Variants in C11orf65 observed in about 807,000 individuals in gnomAD.
The protein encoded by C11orf65 is chromosome 11 open reading frame 65.
In C11orf65, 38 loss-of-function variants were observed where a neutral mutation model predicts 35.3. That is an observed-to-expected ratio of 1.08 (90% CI 0.83 to 1.41). C11orf65 has a LOEUF of 1.41. C11orf65 is among the 40% of genes most tolerant of loss of function. The pLI is 0.00. For missense variants in C11orf65, 370 were observed against 367.1 expected (o/e 1.01, Z -0.06); for synonymous variants, 105 against 114.4 (o/e 0.92, Z 0.53).
At chr11:108,436,832 G>A (rs1196675202) in intron 2 of C11orf65, among the ~76,000 whole-genome samples, 2 of 152,030 alleles carry the variant, frequency 1.3e-5, no homozygotes, top group South Asian at 2.1e-4. Context: ...AGTGCTGAGG[G>A]GGGAAAAATC....
intron 2 of C11orf65, among the ~76,000 whole-genome samples, chr11:108,360,386 A>G (rs2090581926): frequency 6.7e-6 from 1 of 149,948 alleles, no homozygotes; most frequent in South Asian, 2.2e-4. Context: ...AACTGGTACC[A>G]TTCCTTCTGA....
chr11:108,424,990 G>A (rs967037619), intron 3 of C11orf65, among the ~76,000 whole-genome samples: 1 of 152,176 alleles, frequency 6.6e-6, no homozygotes, highest in Non-Finnish European at 1.5e-5. Context: ...AGACTTCCCA[G>A]GAAACAGCTA....
rs148570481 is a variant in C11orf65 at position 108,316,246 on chromosome 11, T to G, written c.641-7175A>C. 23 of 938,624 alleles carry G rather than the reference T, an allele frequency of 2.5e-5. No individual in the cohort carries two copies. In the African/African-American group the frequency reaches 3.8e-4, roughly 15 times the overall value. The allele number at this position is 938,624 out of a possible 1,614,324, so 58.1% of individuals were successfully genotyped here. On this transcript the variant is annotated intron_variant, in intron 6 of 6. Transcript: ENST00000525729. ...AGAACTTATCTGTTTTTCAGAGGAT[T>G]AGGCTAAACATTCAGGGATACTCCT...
At chr11:108,338,080 G>A (rs921558164) in intron 2 of C11orf65, among the ~76,000 whole-genome samples, 4 of 152,252 alleles carry the variant, frequency 2.6e-5, no homozygotes, top group Non-Finnish European at 4.4e-5. Context: ...CGGGCATGGT[G>A]GCCCACGCCT....
chr11:108,448,065 C>G (rs964146280), intron 2 of C11orf65, among the ~76,000 whole-genome samples: 2 of 151,992 alleles, frequency 1.3e-5, no homozygotes, highest in Non-Finnish European at 2.9e-5. Context: ...ACACATACAC[C>G]CTCCCAAGAC....
intron 1 of C11orf65, among the ~76,000 whole-genome samples, chr11:108,463,729 C>T (rs1244709610): frequency 6.6e-6 from 1 of 152,122 alleles, no homozygotes; most frequent in Non-Finnish European, 1.5e-5. Flanking sequence ...AGTATAGTTT[C>T]TGACCCACCA....
At chr11:108,449,577 A>T (rs1458548637) in intron 2 of C11orf65, among the ~76,000 whole-genome samples, 2 of 152,064 alleles carry the variant, frequency 1.3e-5, no homozygotes, top group East Asian at 3.8e-4. Context: ...AAAACTGGCT[A>T]GCCATAGGTA....
At chr11:108,446,141 C>G (rs1258879228) in intron 2 of C11orf65, among the ~76,000 whole-genome samples, 6 of 152,026 alleles carry the variant, frequency 3.9e-5, no homozygotes, top group Non-Finnish European at 5.9e-5. Context: ...GTGAAAAGAC[C>G]AAATCTACGT....
chr11:108,422,408 G>C (rs2092832246), intron 3 of C11orf65, among the ~76,000 whole-genome samples: 2 of 152,138 alleles, frequency 1.3e-5, no homozygotes, highest in Admixed American at 1.3e-4. Flanking sequence ...CCATTTAATA[G>C]GACTGTTATA....
At chr11:108,461,376 G>T in intron 2 of C11orf65, 103 bp downstream of exon 2, 1 of 880,276 alleles carries the variant, frequency 1.1e-6, no homozygotes, top group Non-Finnish European at 1.8e-6. Flanking sequence ...CTCCAGCCTA[G>T]GCAACAGAGA....
exon 7 of C11orf65, chr11:108,308,830 C>G (rs1045233662): frequency 1.9e-5 from 11 of 568,296 alleles, no homozygotes; most frequent in African/African-American, 1.9e-4. Flanking sequence ...TTTTCAGTGT[C>G]TTTGCTTCTG....
Position 108,312,850 on chromosome 11 carries a change from G to A in C11orf65, c.641-3779C>T, listed in dbSNP as rs555595383. On this transcript the variant is annotated intron_variant, in intron 6 of 6. Coordinates refer to the C11orf65 transcript ENST00000525729. ...GTTTGCTTGTTTATTGTATGTTACA[G>A]AAGAAGCAGATTGCCTCTTCTATAA... Among the ~76,000 whole-genome samples, 27 of 152,300 alleles carry A rather than the reference G, an allele frequency of 1.8e-4. No homozygotes were observed. In the South Asian group the frequency reaches 4.3e-3, roughly 25 times the overall value.
At chr11:108,331,021 C>T (rs558923690), downstream of C11orf65, among the ~76,000 whole-genome samples, 2 of 152,194 alleles carry the variant, frequency 1.3e-5, no homozygotes, top group Admixed American at 1.3e-4. Context: ...AATAATAAGA[C>T]TCATAATAGA....
chr11:108,353,996 G>A, intron 2 of C11orf65: 1 of 1,029,032 alleles, frequency 9.7e-7, no homozygotes, highest in Middle Eastern at 2.1e-4. Flanking sequence ...TGGGAGGATT[G>A]TTTGAGCCCA....
intron 2 of C11orf65, among the ~76,000 whole-genome samples, chr11:108,458,290 G>A (rs1335416921): frequency 7.1e-6 from 1 of 141,028 alleles, no homozygotes; most frequent in African/African-American, 2.7e-5. Context: ...AGAATCACTT[G>A]AACTGGGAGG....
In C11orf65 at chr11:108,447,352, C is replaced by T. The variant is rs2093278416; in HGVS notation, c.81+14127G>A. ...TACATTTTTTTTTAGCACCACACCA[C>T]ACCTATTCCAAAATTGACCACATAG... is the stretch of plus-strand genomic sequence containing the variant. On this transcript the variant is annotated intron_variant, in intron 2 of 8. Coordinates refer to ENST00000393084, the MANE Select transcript of C11orf65 (RefSeq NM_152587.5). Among the ~76,000 whole-genome samples, 5 of 152,236 alleles carry T rather than the reference C, an allele frequency of 3.3e-5. No individual in the cohort carries two copies. In the South Asian group the frequency reaches 8.3e-4, roughly 25 times the overall value.
intron 3 of C11orf65, among the ~76,000 whole-genome samples, chr11:108,414,882 T>C (rs1478885790): frequency 1.3e-5 from 2 of 152,078 alleles, no homozygotes; most frequent in Admixed American, 6.6e-5. Context: ...GTGGGATTTA[T>C]TTTGCAAGGC....
chr11:108,313,752 G>A (rs917431752), intron 6 of C11orf65, among the ~76,000 whole-genome samples: 1 of 152,160 alleles, frequency 6.6e-6, no homozygotes, highest in Non-Finnish European at 1.5e-5. Context: ...ATTTGAGTTG[G>A]AACTATAGAA....
intron 6 of C11orf65, chr11:108,321,314 G>T (rs1328099740): frequency 6.2e-7 from 1 of 1,614,098 alleles, no homozygotes; most frequent in Non-Finnish European, 8.5e-7. Context: ...AAAAGAAGTG[G>T]AAGAGATGTG....
Sources: allele counts gnomAD v4.1 joint callset (sites outside exome capture counted in the v4.1 genomes callset), GRCh38; gene constraint gnomAD v4.1.1; transcripts MANE v1.5; gene names NCBI Gene and HGNC (gene_info 2026-07-23, HGNC 2026-07-21).